The following FRMD4A variants were observed in gnomAD, a reference collection of about 807,000 sequenced individuals.
FRMD4A encodes FERM domain containing 4A, also known as FERM domain-containing protein 4A.
In FRMD4A, 29 loss-of-function variants were observed where a neutral mutation model predicts 129.1. The ratio of observed to expected loss-of-function variants is 0.22; its 90% CI spans 0.17 to 0.31. The LOEUF (loss-of-function observed/expected upper bound fraction) is 0.31, where lower values mean the gene tolerates loss of function less well. Ranked by LOEUF, FRMD4A falls within the 10% of genes least tolerant of loss-of-function variation. The pLI, the probability that FRMD4A is intolerant of heterozygous loss-of-function variation, is 1.00. For missense variants in FRMD4A, 1,272 were observed against 1,375.8 expected (o/e 0.92, Z 1.19); for synonymous variants, 634 against 571.6 (o/e 1.11, Z -1.56).
At chr10:13,747,945 G>T (rs557058321) in intron 8 of FRMD4A, 126 bp from the exon 9 acceptor site, 14 of 668,472 alleles carry the variant, frequency 2.1e-5, no homozygotes, top group East Asian at 1.0e-4. Flanking sequence ...AAAAAGCAGT[G>T]GGGGGAAGGG....
chr10:14,330,070 G>C lies in FRMD4A; in HGVS notation c.33C>G (p.Leu11=). Residue 11 remains leucine (L), a synonymous_variant, in exon 2 of 25, where the codon CTC becomes CTG. Transcript: ENST00000357447. ...TCTGAACACTCACCATCAGCAGGCCGAGAGCTGAGTCGGGCACCAGCTGCA... is the reference window on the plus strand; with the variant it reads ...TCTGAACACTCACCATCAGCAGGCCCAGAGCTGAGTCGGGCACCAGCTGCA... The part of the protein sequence containing the change: MAVQLVPDSA[L]GLLMMTEGRR... 1 of 1,553,362 alleles carries C rather than the reference G, an allele frequency of 6.4e-7. No homozygotes were observed. Among genetic ancestry groups the C allele is most frequent in the Non-Finnish European group, 8.7e-7 (1 of 1,147,764 alleles).
At chr10:13,755,200 T>A (rs1012489376) in intron 8 of FRMD4A, among the ~76,000 whole-genome samples, 1 of 152,220 alleles carries the variant, frequency 6.6e-6, no homozygotes, top group Non-Finnish European at 1.5e-5. Context: ...TCGTGTTCTT[T>A]TCCTGTTGAT....
At chr10:13,823,239 C>T (rs2130912718) in intron 3 of FRMD4A, among the ~76,000 whole-genome samples, 1 of 152,274 alleles carries the variant, frequency 6.6e-6, no homozygotes, top group South Asian at 2.1e-4. Context: ...CTGCTCTATT[C>T]ATGATCCCCG....
intron 4 of FRMD4A, among the ~76,000 whole-genome samples, chr10:13,805,434 T>C (rs1012884361): frequency 2.0e-5 from 3 of 151,832 alleles, no homozygotes; most frequent in African/African-American, 7.3e-5. Context: ...GGCTTTTTTT[T>C]TCTTAAAAAA....
intron 2 of FRMD4A, among the ~76,000 whole-genome samples, chr10:14,154,304 T>G (rs117470768): frequency 6.6e-6 from 1 of 152,286 alleles, no homozygotes; most frequent in East Asian, 1.9e-4. Context: ...TAATCAAGAT[T>G]AGCATTGCAA....
At chr10:14,234,203 T>C (rs1843724767) in intron 2 of FRMD4A, among the ~76,000 whole-genome samples, 1 of 127,700 alleles carries the variant, frequency 7.8e-6, no homozygotes, top group African/African-American at 2.9e-5. Context: ...CCCTATTCAG[T>C]AGGACTTCAG....
intron 2 of FRMD4A, among the ~76,000 whole-genome samples, chr10:14,191,805 T>TTTC (rs1554781050): frequency 3.7e-4 from 52 of 140,912 alleles, no homozygotes; most frequent in African/African-American, 8.9e-4. Flanking sequence ...TTTTTTTTTT[T>TTTC]TCTCTCTCTC....
intron 2 of FRMD4A, among the ~76,000 whole-genome samples, chr10:14,175,873 G>A (rs1049301431): frequency 6.6e-5 from 10 of 152,142 alleles, no homozygotes; most frequent in African/African-American, 1.7e-4. Context: ...GTTGCAGGCT[G>A]CAACCTCATT....
At chr10:14,230,496 T>C (rs1843601637) in intron 2 of FRMD4A, among the ~76,000 whole-genome samples, 1 of 152,248 alleles carries the variant, frequency 6.6e-6, no homozygotes, top group South Asian at 2.1e-4. Flanking sequence ...CCCTGGTAGA[T>C]GCTCAGCCCA....
chr10:14,056,493 G>T (rs1214654744), intron 2 of FRMD4A, among the ~76,000 whole-genome samples: 1 of 151,594 alleles, frequency 6.6e-6, no homozygotes, highest in Non-Finnish European at 1.5e-5. Context: ...GAATAAGTAG[G>T]TCTAATTCAT....
chr10:14,081,052 A>G (rs180902885), intron 2 of FRMD4A, among the ~76,000 whole-genome samples: 5 of 152,234 alleles, frequency 3.3e-5, no homozygotes, highest in Non-Finnish European at 7.4e-5. Flanking sequence ...TCAGGTTGTA[A>G]TAATAGCCCA....
chr10:13,965,525 A>T (rs984798313), intron 2 of FRMD4A, among the ~76,000 whole-genome samples: 1 of 152,214 alleles, frequency 6.6e-6, no homozygotes, highest in African/African-American at 2.4e-5. Context: ...TGTTTTCTTT[A>T]TTGAAGGAAC....
At chr10:14,302,913 A>T (rs1317220834) in intron 2 of FRMD4A, among the ~76,000 whole-genome samples, 1 of 152,224 alleles carries the variant, frequency 6.6e-6, no homozygotes, top group African/African-American at 2.4e-5. Context: ...CAAAAGCAAC[A>T]TTAGACAGCA....
chr10:14,278,667 C>T (rs763086913), intron 2 of FRMD4A, among the ~76,000 whole-genome samples: 10 of 152,254 alleles, frequency 6.6e-5, no homozygotes, highest in African/African-American at 2.4e-4. Flanking sequence ...AAAAGAATCT[C>T]GCTTGCCTGA....
intron 2 of FRMD4A, among the ~76,000 whole-genome samples, chr10:14,123,042 A>T (rs1838621298): frequency 6.6e-6 from 1 of 152,118 alleles, no homozygotes. Context: ...GAATATAAGG[A>T]ACTTCATTAT....
intron 3 of FRMD4A, among the ~76,000 whole-genome samples, chr10:13,817,458 C>G (rs535742992): frequency 6.6e-6 from 1 of 152,224 alleles, no homozygotes; most frequent in Non-Finnish European, 1.5e-5. Context: ...GGCTGTAAAG[C>G]GCTCTAGGCA....
chr10:14,073,624 C>A (rs1331824878), intron 2 of FRMD4A, among the ~76,000 whole-genome samples: 1 of 151,994 alleles, frequency 6.6e-6, no homozygotes, highest in Non-Finnish European at 1.5e-5. Context: ...ATTGTCTTTG[C>A]TTGTCCAAGG....
intron 3 of FRMD4A, among the ~76,000 whole-genome samples, chr10:13,857,358 G>T (rs1004555460): frequency 9.2e-5 from 14 of 151,946 alleles, no homozygotes; most frequent in African/African-American, 3.4e-4. Flanking sequence ...AAGTGGAAAA[G>T]GAAAAATAAG....
chr10:13,881,376 T>C lies in FRMD4A; in HGVS notation c.46-22464A>G, dbSNP rs190353632. Among the ~76,000 whole-genome samples, 192 of 152,064 alleles carry C rather than the reference T, an allele frequency of 1.3e-3. 1 individual carries two copies. The highest frequency in any genetic ancestry group is 4.5e-3 in the African/African-American group (186 of 41,472). On this transcript the variant is annotated intron_variant, in intron 2 of 24. Transcript: ENST00000357447. ...AGTTCAAGGCTACAGTGAGCTATGA[T>C]TGCACCACTGCACTCCAATCTGAGT...
Sources: gnomAD v4.1 joint callset for allele counts (sites outside exome capture counted in the v4.1 genomes callset) on GRCh38, gnomAD v4.1.1 for gene constraint, MANE v1.5 for transcripts, NCBI Gene and HGNC (gene_info 2026-07-23, HGNC 2026-07-21) for gene names.